Variants in ABL1 observed in about 807,000 individuals in gnomAD.
ABL1 encodes tyrosine-protein kinase ABL1.
In ABL1, 11 loss-of-function variants were observed where a neutral mutation model predicts 94.7. The observed-to-expected ratio is 0.12, with a 90% CI of 0.07 to 0.19. ABL1 has a LOEUF of 0.19. Ranked by LOEUF, ABL1 falls within the 10% of genes least tolerant of loss-of-function variation. ABL1 has a pLI of 1.00. For synonymous variants in ABL1, 656 were observed against 622.4 expected (o/e 1.05, Z -0.80); for missense variants, 1,082 against 1,489.4 (o/e 0.73, Z 4.50).
rs568320172 is a variant in ABL1, at chr9:130,880,528, C to T, written c.1542C>T (p.Gly514=). 32 of 1,613,860 alleles carry T rather than the reference C, an allele frequency of 2.0e-5. 1 individual carries two copies. The highest frequency in any genetic ancestry group is 5.3e-5 in the African/African-American group (4 of 74,988). Residue 514 remains glycine (G), a synonymous_variant, in exon 10 of 11, where the codon GGC becomes GGT. Coordinates refer to ENST00000318560, the MANE Select transcript of ABL1 (RefSeq NM_005157.6). This position sits in a 1 kb window ranked among gnomAD's most constrained non-coding sequence, Gnocchi z 4.4. The part of the protein sequence containing the change: ...DEVEKELGKQ[G]VRGAVSTLLQ... ...TGGAAAAGGAGCTGGGGAAACAAGG[C>T]GTCCGTGGGGCTGTGAGTACCTTGC...
At chr9:130,727,717 T>A (rs1303694593) in intron 1 of ABL1, among the ~76,000 whole-genome samples, 2 of 148,374 alleles carry the variant, frequency 1.3e-5, no homozygotes, top group African/African-American at 5.1e-5. Flanking sequence ...GATCGCGCCA[T>A]TGCACTCCAG....
Position 130,756,424 on chromosome 9 carries a change from T to G in ABL1, c.136+41969T>G, listed in dbSNP as rs537149041. Among the ~76,000 whole-genome samples, 9 of 152,226 alleles carry G rather than the reference T, an allele frequency of 5.9e-5. No individual in the cohort carries two copies. The East Asian group carries it at 1.7e-3, about 29-fold the overall frequency. Reference sequence around the variant, plus strand: ...ATCTTTAGATTTCAAATTGGCTAATTCAGTGGGTCACTTAATTCTTAACTT... The same window carrying G: ...ATCTTTAGATTTCAAATTGGCTAATGCAGTGGGTCACTTAATTCTTAACTT... On this transcript the variant is annotated intron_variant, in intron 1 of 10. Coordinates refer to the ABL1 transcript ENST00000372348.
upstream of ABL1, among the ~76,000 whole-genome samples, chr9:130,830,379 A>T (rs1280989251): frequency 1.3e-5 from 2 of 152,168 alleles, no homozygotes; most frequent in Admixed American, 6.5e-5. Flanking sequence ...ATGGGTCTGA[A>T]TTAGGCCCCC....
rs34096872 is a variant in ABL1, at chr9:130,872,829, C to T, written c.908-31C>T. The T allele has an allele frequency of 1.5e-5, 24 of 1,590,398 alleles. No homozygotes were observed. Among genetic ancestry groups the T allele is most frequent in the Admixed American group, 1.7e-5 (1 of 57,696 alleles). On this transcript the variant is annotated intron_variant, in intron 5 of 10. Coordinates refer to ENST00000318560, the MANE Select transcript of ABL1 (RefSeq NM_005157.6). The surrounding 1 kb of genome is among the most constrained non-coding windows in gnomAD (Gnocchi z 5.0). ...GTTTGTTCAGTTGGGAGCGGAGCCACGTGTTGAAGTCCTCGTTGTCTTGTT... is the reference window on the plus strand; with the variant it reads ...GTTTGTTCAGTTGGGAGCGGAGCCATGTGTTGAAGTCCTCGTTGTCTTGTT...
At chr9:130,869,804 G>C (rs751001506) in intron 4 of ABL1, among the ~76,000 whole-genome samples, 1 of 152,110 alleles carries the variant, frequency 6.6e-6, no homozygotes, top group Non-Finnish European at 1.5e-5. Context: ...AACTACAAAC[G>C]TAGGCTGTTT....
intron 1 of ABL1, among the ~76,000 whole-genome samples, chr9:130,851,454 C>T (rs563372753): frequency 6.6e-6 from 1 of 152,230 alleles, no homozygotes; most frequent in African/African-American, 2.4e-5. Flanking sequence ...TGAAGCTCTT[C>T]ATGGTTTATG....
chr9:130,827,431 C>T (rs1283652185), intron 1 of ABL1, among the ~76,000 whole-genome samples: 3 of 152,200 alleles, frequency 2.0e-5, no homozygotes, highest in Admixed American at 6.5e-5. Context: ...ACAAAACTAA[C>T]AGTCATCTTT....
intron 6 of ABL1, among the ~76,000 whole-genome samples, chr9:130,874,275 GGA>G (rs1415102970): frequency 2.0e-5 from 3 of 152,314 alleles, no homozygotes; most frequent in Non-Finnish European, 4.4e-5. Context: ...AGATTATACA[GGA>G]GAGAGTTTTT....
At position 130,741,231 on chromosome 9, in the gene ABL1, C is replaced by T. The variant is rs575814614; in HGVS notation, c.136+26776C>T. Among the ~76,000 whole-genome samples the T allele has an allele frequency of 2.6e-5, 4 of 152,250 alleles. No individual in the cohort carries two copies. The South Asian group carries it at 8.3e-4, about 32-fold the overall frequency. On this transcript the variant is annotated intron_variant, in intron 1 of 10. Coordinates refer to the ABL1 transcript ENST00000372348. ...GTGTGAGTGCTAGTCATGGTGCTGC[C>T]TGGCACCCACAAATGCCACAGCAGA...
chr9:130,863,168 T>C lies in ABL1; in HGVS notation c.822+133T>C. The C allele has an allele frequency of 9.8e-7, 1 of 1,021,412 alleles. No homozygotes were observed. Among genetic ancestry groups the C allele is most frequent in the South Asian group, 1.7e-5 (1 of 58,580 alleles). The allele number at this position is 1,021,412 out of a possible 1,614,324, so 63.3% of individuals were successfully genotyped here. On this transcript the variant is annotated intron_variant, in intron 4 of 10. Coordinates refer to ENST00000318560, the MANE Select transcript of ABL1 (RefSeq NM_005157.6). The surrounding 1 kb of genome is among the most constrained non-coding windows in gnomAD (Gnocchi z 4.3). ...TTCATTGGCGCCACGGAATTGACTT[T>C]TCCGTCTTATATCATTCCTGTGTCT...
rs117665016 is a variant in ABL1, at chr9:130,829,725, A to G, written c.137-24339A>G. ...GAAAACAAGGCAATATCTCTAGGAT[A>G]AACAAAGATGTATAATAAAGGAAAC... On this transcript the variant is annotated intron_variant, in intron 1 of 10. Transcript: ENST00000372348. Among the ~76,000 whole-genome samples, 22 of 152,368 alleles carry G rather than the reference A, an allele frequency of 1.4e-4. No individual in the cohort carries two copies. In the East Asian group the frequency reaches 4.0e-3, roughly 28 times the overall value.
Position 130,879,858 on chromosome 9 carries a change from A to G in ABL1, c.1424-210A>G, listed in dbSNP as rs1588280702. Among the ~76,000 whole-genome samples the G allele has an allele frequency of 2.0e-5, 3 of 152,330 alleles. No individual in the cohort carries two copies. The East Asian group carries it at 5.8e-4, about 29-fold the overall frequency. ...GTCACTGTCTCTCTGGGGTTTTACA[A>G]TCCATATTCCTGCCAGCATCTAACG... On this transcript the variant is annotated intron_variant, in intron 8 of 10. Coordinates refer to ENST00000318560, the MANE Select transcript of ABL1 (RefSeq NM_005157.6).
At chr9:130,811,911 CAAAAAAAA>C (rs1203330162) in intron 1 of ABL1, among the ~76,000 whole-genome samples, 26 of 18,560 alleles carry the variant, frequency 1.4e-3, no homozygotes, top group Non-Finnish European at 2.9e-3. Context: ...GACTCCGTCT[CAAAAAAAA>C]AAAAAAAAAA....
chr9:130,813,931 G>C (rs1383678755), intron 1 of ABL1, among the ~76,000 whole-genome samples: 1 of 152,172 alleles, frequency 6.6e-6, no homozygotes, highest in Non-Finnish European at 1.5e-5. Context: ...CAATGACCTT[G>C]GGGTCCCACT....
At chr9:130,830,035 C>G (rs1364842009) in intron 1 of ABL1, among the ~76,000 whole-genome samples, 7 of 152,096 alleles carry the variant, frequency 4.6e-5, no homozygotes, top group Non-Finnish European at 1.0e-4. Context: ...TTTTACAAGA[C>G]TATTTTTAGC....
intron 1 of ABL1, among the ~76,000 whole-genome samples, chr9:130,759,514 G>A (rs80157913): frequency 2.6e-5 from 4 of 152,158 alleles, no homozygotes; most frequent in Non-Finnish European, 4.4e-5. Context: ...ACAGTCTAAA[G>A]TAAACATAAA....
At chr9:130,871,257 A>C (rs1237284036) in intron 4 of ABL1, among the ~76,000 whole-genome samples, 3 of 152,158 alleles carry the variant, frequency 2.0e-5, no homozygotes, top group African/African-American at 7.2e-5. Context: ...TTAAGTCAAA[A>C]AGAGGCTTAG....
chr9:130,885,758 G>A lies in ABL1; in HGVS notation c.*75G>A, dbSNP rs2133041364. ...TGCGGGCTCGCCCATACCCGTGACA[G>A]TGGCTGACAAGGGACTAGTGAGTCA... On this transcript the variant is annotated 3_prime_UTR_variant, in exon 11 of 11. Transcript: ENST00000318560. 1 of 1,517,516 alleles carries A rather than the reference G, an allele frequency of 6.6e-7. No homozygotes were observed. Among genetic ancestry groups the A allele is most frequent in the Non-Finnish European group, 8.8e-7 (1 of 1,132,800 alleles). The allele number at this position is 1,517,516 out of a possible 1,614,324, so 94.0% of individuals were successfully genotyped here.
At chr9:130,841,000 A>T (rs1193058554) in intron 1 of ABL1, among the ~76,000 whole-genome samples, 1 of 152,224 alleles carries the variant, frequency 6.6e-6, no homozygotes, top group African/African-American at 2.4e-5. Flanking sequence ...CTTTGTCCTC[A>T]GATGGGTAGA....
Sources: gnomAD v4.1 joint callset for allele counts (sites outside exome capture counted in the v4.1 genomes callset) on GRCh38, gnomAD v4.1.1 for gene constraint, Gnocchi (gnomAD v3.1) non-coding constraint, MANE v1.5 for transcripts, NCBI Gene and HGNC (gene_info 2026-07-23, HGNC 2026-07-21) for gene names.